STK33: variants seen among roughly 807,000 people sequenced by gnomAD.
STK33 encodes serine/threonine-protein kinase 33.
A neutral mutation model predicts 58.0 loss-of-function variants in STK33; 52 were observed. The observed-to-expected ratio is 0.90, with a 90% CI of 0.72 to 1.13. The LOEUF is 1.13. Among genes scored for constraint, STK33 ranks in the 50% most tolerant of loss-of-function variants. The pLI, the probability that STK33 is intolerant of heterozygous loss-of-function variation, is 0.00. For missense variants in STK33, 630 were observed against 604.2 expected (o/e 1.04, Z -0.45); for synonymous variants, 215 against 200.1 (o/e 1.07, Z -0.63).
chr11:8,584,110 G>GA (rs35914021), intron 1 of STK33, among the ~76,000 whole-genome samples: 5,847 of 126,544 alleles, frequency 0.046, 177 homozygotes, highest in South Asian at 0.067. Context: ...GAATTTAGAT[G>GA]AAAAAAAAAA....
At chr11:8,394,710 C>T (rs577469157) in intron 15 of STK33, among the ~76,000 whole-genome samples, 2 of 152,164 alleles carry the variant, frequency 1.3e-5, no homozygotes, top group African/African-American at 2.4e-5. Context: ...GTATTTTCTT[C>T]TTGGATACAA....
chr11:8,585,196 T>G (rs2031298538), intron 1 of STK33, among the ~76,000 whole-genome samples: 1 of 145,370 alleles, frequency 6.9e-6, no homozygotes, highest in Non-Finnish European at 1.5e-5. Flanking sequence ...ATGCTGGGAT[T>G]ACAGGTGTGA....
At chr11:8,435,327 T>C (rs1224064491) in intron 14 of STK33, among the ~76,000 whole-genome samples, 167 bp downstream of exon 14, 3 of 152,192 alleles carry the variant, frequency 2.0e-5, no homozygotes, top group Non-Finnish European at 4.4e-5. Flanking sequence ...TTCTAACAGT[T>C]TGAAAATGCC....
At chr11:8,555,354 T>C (rs944578476) in intron 1 of STK33, among the ~76,000 whole-genome samples, 4 of 152,082 alleles carry the variant, frequency 2.6e-5, no homozygotes, top group African/African-American at 7.2e-5. Context: ...TAATAGCATA[T>C]TGCACGTTTA....
Position 8,587,699 on chromosome 11 carries a change from G to GA in STK33, c.-466+6383dup, listed in dbSNP as rs570784556. On this transcript the variant is annotated intron_variant, in intron 1 of 15. Transcript: ENST00000687296. ...CCTGTTTCTCCCATGAGGCTGTAGG[G>GA]AAAATCTTAAGGCCTCTTCTTGGGA... 3.9e-4 allele frequency among the ~76,000 whole-genome samples: 60 copies of GA among 152,206 alleles called. 1 individual carries two copies. Among genetic ancestry groups the GA allele is most frequent in the Non-Finnish European group, 6.3e-4 (43 of 67,990 alleles).
chr11:8,366,524 G>A, the STK33 span, among the ~76,000 whole-genome samples: 1 of 152,224 alleles, frequency 6.6e-6, no homozygotes, highest in Non-Finnish European at 1.5e-5. Flanking sequence ...GAGTGCCCAG[G>A]TGGCCCCAGC....
chr11:8,490,012 T>A (rs1480729306), intron 1 of STK33, among the ~76,000 whole-genome samples: 1 of 151,912 alleles, frequency 6.6e-6, no homozygotes, highest in African/African-American at 2.4e-5. Context: ...ACGCAGAAGA[T>A]GGGTGATTTC....
chr11:8,480,259 G>A (rs1454096605), intron 2 of STK33, among the ~76,000 whole-genome samples, 151 bp downstream of exon 2: 1 of 152,188 alleles, frequency 6.6e-6, no homozygotes, highest in Non-Finnish European at 1.5e-5. Context: ...AGCATCAGGT[G>A]GAAGAAGGGA....
At chr11:8,543,800 C>G (rs1276469184) in intron 1 of STK33, among the ~76,000 whole-genome samples, 1 of 152,022 alleles carries the variant, frequency 6.6e-6, no homozygotes. Flanking sequence ...ATGGATACCC[C>G]ATTCTCCATG....
chr11:8,415,775 C>G (rs1941030314), intron 14 of STK33, among the ~76,000 whole-genome samples: 1 of 152,120 alleles, frequency 6.6e-6, no homozygotes, highest in Non-Finnish European at 1.5e-5. Context: ...TACTACAGAA[C>G]TCATATGCAA....
At chr11:8,428,727 A>G (rs7114977) in intron 14 of STK33, among the ~76,000 whole-genome samples, 26,245 of 152,186 alleles carry the variant, frequency 0.17, 2,386 homozygotes, top group African/African-American at 0.2. Context: ...TCTCATTCTA[A>G]CAATAGAAAT....
chr11:8,347,038 T>C, the STK33 span, among the ~76,000 whole-genome samples: 7,439 of 152,326 alleles, frequency 0.049, 259 homozygotes, highest in Non-Finnish European at 0.073. Context: ...TAATTAAAGA[T>C]AGCTCAGCCT....
intron 15 of STK33, among the ~76,000 whole-genome samples, chr11:8,402,621 A>T (rs996649346): frequency 6.6e-6 from 1 of 151,966 alleles, no homozygotes; most frequent in Non-Finnish European, 1.5e-5. Context: ...ATAATAATAA[A>T]AAAAAGAATC....
rs149254623 is a variant in STK33 at position 8,510,564 on chromosome 11, G to T, written c.-465-29950C>A. 4.1e-3 allele frequency among the ~76,000 whole-genome samples: 618 copies of T among 152,210 alleles called. 5 individuals are homozygous for T. The highest frequency in any genetic ancestry group is 0.014 in the African/African-American group (591 of 41,562). On this transcript the variant is annotated intron_variant, in intron 1 of 15. Transcript: ENST00000687296. ...CGTTTGCTTTTGGGTTCTCAGTCAT[G>T]AATTATTTGCCTAAGCCAATGTCTA...
chr11:8,393,338 T>A (rs376766265), intron 15 of STK33, among the ~76,000 whole-genome samples: 1 of 152,324 alleles, frequency 6.6e-6, no homozygotes, highest in African/African-American at 2.4e-5. Flanking sequence ...ATGTGAGCTT[T>A]AAAGTAGAAA....
At chr11:8,443,943 G>A (rs1293034905) in intron 11 of STK33, among the ~76,000 whole-genome samples, 5 of 152,168 alleles carry the variant, frequency 3.3e-5, no homozygotes, top group Non-Finnish European at 7.3e-5. Context: ...GGAGGCTGAG[G>A]CTGCAGTAAG....
chr11:8,381,147 A>G, the STK33 span, among the ~76,000 whole-genome samples: 6 of 152,112 alleles, frequency 3.9e-5, no homozygotes, highest in African/African-American at 2.4e-5. Flanking sequence ...AAAAACCTAC[A>G]TATTGGGTAC....
chr11:8,402,724 A>G (rs2135354660), intron 15 of STK33, among the ~76,000 whole-genome samples: 1 of 152,332 alleles, frequency 6.6e-6, no homozygotes, highest in East Asian at 1.9e-4. Context: ...CCTCCAGGCC[A>G]GGCCATAGTT....
At chr11:8,407,266 T>C (rs1196206351) in intron 15 of STK33, among the ~76,000 whole-genome samples, 1 of 152,136 alleles carries the variant, frequency 6.6e-6, no homozygotes, top group Non-Finnish European at 1.5e-5. Context: ...ATTTGAAATT[T>C]TTACGTCTAT....
Sources: allele counts gnomAD v4.1 joint callset (sites outside exome capture counted in the v4.1 genomes callset), GRCh38; gene constraint gnomAD v4.1.1; transcripts MANE v1.5; gene names NCBI Gene and HGNC (gene_info 2026-07-23, HGNC 2026-07-21).